The following STUM variants were observed in gnomAD, a reference collection of about 807,000 sequenced individuals.
The protein encoded by STUM is stum, mechanosensory transduction mediator homolog, also known as protein stum homolog.
Under a neutral mutation model 15.3 loss-of-function variants are expected in STUM, and 8 were observed. The observed-to-expected ratio is 0.52, with a 90% CI of 0.31 to 0.94. STUM has a LOEUF of 0.94. Among genes scored for constraint, STUM ranks in the 40% least tolerant of loss-of-function variants. The pLI, the probability that STUM is intolerant of heterozygous loss-of-function variation, is 0.05. For synonymous variants in STUM, 78 were observed against 88.7 expected, an observed-to-expected ratio of 0.88 and a Z score of 0.68; for missense variants, 142 against 204.9, an observed-to-expected ratio of 0.69 and a Z score of 1.87.
At chr1:226,572,781 A>G (rs1667739255) in intron 1 of STUM, among the ~76,000 whole-genome samples, 1 of 152,218 alleles carries the variant, frequency 6.6e-6, no homozygotes, top group South Asian at 2.1e-4. Context: ...CCGCGGTACT[A>G]GTTCTGCAGG....
chr1:226,586,983 A>T (rs1388201815), intron 1 of STUM, among the ~76,000 whole-genome samples: 1 of 152,168 alleles, frequency 6.6e-6, no homozygotes, highest in African/African-American at 2.4e-5. Context: ...AGACTCTGTC[A>T]TGGCAGGCTC....
At chr1:226,593,458 A>T (rs1428223703) in intron 1 of STUM, among the ~76,000 whole-genome samples, 17 of 152,128 alleles carry the variant, frequency 1.1e-4, no homozygotes, top group Non-Finnish European at 2.1e-4. Flanking sequence ...CTGAAGTCCC[A>T]GCTCCATCAC....
intron 1 of STUM, among the ~76,000 whole-genome samples, chr1:226,561,049 A>C (rs1340200805): frequency 2.6e-5 from 4 of 151,910 alleles, no homozygotes; most frequent in Non-Finnish European, 4.4e-5. Flanking sequence ...TCAAGACCCA[A>C]CTCAAATGCC....
At position 226,596,855 on chromosome 1, in the gene STUM, G is replaced by C. The variant is rs1241104870; in HGVS notation, c.256G>C (p.Asp86His). 12 of 1,614,236 alleles carry C rather than the reference G, an allele frequency of 7.4e-6. No individual in the cohort carries two copies. The highest frequency in any genetic ancestry group is 1.1e-5 in the South Asian group (1 of 91,092). The part of the protein sequence containing the change: ...VLCGARTDLP[D>H]RHVCCVFWLN... ...GTGCGGGGCCCGCACCGACCTCCCG[G>C]ACAGGCATGTGTGCTGCGTCTTCTG... The change falls in exon 2 of 4, where the codon GAC (aspartate) becomes CAC (histidine). Residue 86 changes from aspartate to histidine, a missense_variant. This residue lies in a region of STUM where 113 missense variants were observed against 134.4 expected (regional missense o/e 0.84). Transcript: ENST00000366788.
chr1:226,573,434 T>A (rs1413179486), intron 1 of STUM, among the ~76,000 whole-genome samples: 1 of 152,182 alleles, frequency 6.6e-6, no homozygotes, highest in Non-Finnish European at 1.5e-5. Flanking sequence ...AACAGTAAAA[T>A]CCAGGGCACA....
At chr1:226,589,078 G>T (rs958627570) in intron 1 of STUM, among the ~76,000 whole-genome samples, 2 of 152,160 alleles carry the variant, frequency 1.3e-5, no homozygotes, top group Non-Finnish European at 2.9e-5. Context: ...AGGTCCTGGG[G>T]GCAGTTTTTA....
intron 1 of STUM, among the ~76,000 whole-genome samples, chr1:226,560,100 C>G (rs2102688070): frequency 6.6e-6 from 1 of 152,270 alleles, no homozygotes; most frequent in East Asian, 1.9e-4. Context: ...GATCACGCCA[C>G]CACACTCCAG....
intron 1 of STUM, among the ~76,000 whole-genome samples, chr1:226,566,576 A>AT (rs141035110): frequency 0.013 from 2,040 of 151,638 alleles, 48 homozygotes; most frequent in African/African-American, 0.046. Flanking sequence ...TCTTACCCAC[A>AT]TTTTTTTTTG....
chr1:226,595,390 G>A (rs55649805), intron 1 of STUM, among the ~76,000 whole-genome samples: 1 of 152,120 alleles, frequency 6.6e-6, no homozygotes, highest in South Asian at 2.1e-4. Context: ...GTCCCCTCTG[G>A]AAACAGTCTC....
chr1:226,566,947 T>TG (rs904594020), intron 1 of STUM, among the ~76,000 whole-genome samples: 3 of 152,278 alleles, frequency 2.0e-5, no homozygotes, highest in Admixed American at 6.5e-5. Context: ...TATGCAGTGT[T>TG]GGGGGGAAGG....
At chr1:226,585,447 T>C (rs1667982261) in intron 1 of STUM, among the ~76,000 whole-genome samples, 1 of 152,254 alleles carries the variant, frequency 6.6e-6, no homozygotes, top group African/African-American at 2.4e-5. Context: ...TTTACCCTTG[T>C]CTACTATCAT....
chr1:226,573,874 C>T (rs926037752), intron 1 of STUM, among the ~76,000 whole-genome samples: 1 of 149,442 alleles, frequency 6.7e-6, no homozygotes, highest in Admixed American at 6.7e-5. Context: ...CTTGCTCTGT[C>T]GCCAGGCTGG....
At chr1:226,553,455 A>G (rs547926676) in intron 1 of STUM, among the ~76,000 whole-genome samples, 45 of 152,360 alleles carry the variant, frequency 3.0e-4, no homozygotes, top group African/African-American at 9.6e-4. Context: ...TCAGGTCAGA[A>G]GGTCAGCAGG....
In STUM at chr1:226,602,049, G is replaced by A. The variant is rs772770695; in HGVS notation, c.*9G>A. On this transcript the variant is annotated 3_prime_UTR_variant, in exon 4 of 4. Transcript: ENST00000366788. ...TCCCACAGCAGCTGTGAGCCCACGGGAGCCGCTGGGGAGATCCAGGGGGGC... is the reference window on the plus strand; with the variant it reads ...TCCCACAGCAGCTGTGAGCCCACGGAAGCCGCTGGGGAGATCCAGGGGGGC... The A allele has an allele frequency of 6.2e-6, 10 of 1,605,282 alleles. No homozygotes were observed. The highest frequency in any genetic ancestry group is 5.9e-6 in the Non-Finnish European group (7 of 1,179,392).
At position 226,600,945 on chromosome 1, in the gene STUM, T is replaced by C. The variant is rs897839351; in HGVS notation, c.391+271T>C. Among the ~76,000 whole-genome samples, 2 of 152,180 alleles carry C rather than the reference T, an allele frequency of 1.3e-5. No individual in the cohort carries two copies. The highest frequency in any genetic ancestry group is 3.8e-4 in the East Asian group (2 of 5,196). On this transcript the variant is annotated intron_variant, in intron 3 of 3. Coordinates refer to ENST00000366788, the MANE Select transcript of STUM (RefSeq NM_001003665.4). This position sits in a 1 kb window ranked among gnomAD's most constrained non-coding sequence, Gnocchi z 5.2. ...CCTCTGTCATTCGCCACATCTCCCC[T>C]ACCCCAGCATGGGTTATTAGCACCC... is the stretch of plus-strand genomic sequence containing the variant.
intron 1 of STUM, among the ~76,000 whole-genome samples, chr1:226,573,696 T>G (rs1268133307): frequency 6.6e-6 from 1 of 152,236 alleles, no homozygotes; most frequent in Non-Finnish European, 1.5e-5. Context: ...TACAGCATGA[T>G]ATTTTGATAT....
intron 1 of STUM, among the ~76,000 whole-genome samples, chr1:226,562,246 A>T (rs906573071): frequency 1.3e-5 from 2 of 152,066 alleles, no homozygotes; most frequent in African/African-American, 4.8e-5. Flanking sequence ...AGGTGGGTGG[A>T]TCACCTGAGG....
intron 1 of STUM, among the ~76,000 whole-genome samples, chr1:226,580,096 C>A (rs1403923505): frequency 6.7e-6 from 1 of 149,810 alleles, no homozygotes. Flanking sequence ...TTAGCAGAGA[C>A]AAAGTGGGTG....
At chr1:226,601,932 G>C (rs1668274984) in intron 3 of STUM, 74 bp from the exon 4 acceptor site, 1 of 1,336,986 alleles carries the variant, frequency 7.5e-7, no homozygotes, top group African/African-American at 1.4e-5. Flanking sequence ...TGCATTCTGG[G>C]CTAGGGGCAC....
Sources: gnomAD v4.1 joint callset for allele counts (sites outside exome capture counted in the v4.1 genomes callset) on GRCh38, gnomAD v4.1.1 for gene constraint, gnomAD v4.1.1 regional missense constraint, Gnocchi (gnomAD v3.1) non-coding constraint, MANE v1.5 for transcripts, NCBI Gene and HGNC (gene_info 2026-07-23, HGNC 2026-07-21) for gene names.